SULF2: variants seen among roughly 807,000 people sequenced by gnomAD.
The protein encoded by SULF2 is extracellular sulfatase Sulf-2.
SULF2 carries 52 observed loss-of-function variants against 107.7 expected under a neutral mutation model. That is an observed-to-expected ratio of 0.48 (90% confidence interval 0.39 to 0.61). The LOEUF (loss-of-function observed/expected upper bound fraction) is 0.61. SULF2 is among the 20% of genes least tolerant of loss of function. The probability of loss-of-function intolerance (pLI) is 0.00; values close to 1 mark genes in which losing one functional copy is unlikely to be tolerated. For synonymous variants in SULF2, 460 were observed against 464.3 expected (o/e 0.99, Z 0.12); for missense variants, 993 against 1,177.3 (o/e 0.84, Z 2.29).
At position 47,672,235 on chromosome 20, in the gene SULF2, G is replaced by T. The variant is rs377149114; in HGVS notation, c.1539C>A (p.Leu513=). ...GTTTTTTCCGGCGTCCGGCCAGGCT[G>T]AGCTTGTAGTCCCCGCTGTCACAGG... ...ACTCDSGDYK[L]SLAGRRKKLF... Residue 513 remains leucine (L), a synonymous_variant, in exon 11 of 21, where the codon CTC becomes CTA. Transcript: ENST00000688720. 6.2e-7 allele frequency: 1 copy of T among 1,612,244 alleles called. No individual in the cohort carries two copies. The highest frequency in any genetic ancestry group is 8.5e-7 in the Non-Finnish European group (1 of 1,178,666).
chr20:47,663,705 G>A, intron 15 of SULF2, 83 bp from the exon 16 acceptor site: 2 of 1,450,880 alleles, frequency 1.4e-6, no homozygotes, highest in South Asian at 2.7e-5. Context: ...TCCACCTAAG[G>A]GCTTCGCTGA....
intron 11 of SULF2, among the ~76,000 whole-genome samples, chr20:47,671,057 G>C (rs1568791401): frequency 6.6e-6 from 1 of 152,138 alleles, no homozygotes; most frequent in Non-Finnish European, 1.5e-5. Flanking sequence ...AGTCATGCAG[G>C]GACCATTCTT....
intron 1 of SULF2, among the ~76,000 whole-genome samples, chr20:47,761,237 A>T (rs1046122304): frequency 6.6e-6 from 1 of 152,212 alleles, no homozygotes; most frequent in Non-Finnish European, 1.5e-5. Context: ...CTGAGGTTTC[A>T]TTACTGTCCT....
At chr20:47,757,159 G>A (rs1042499152) in intron 2 of SULF2, 30 bp downstream of exon 2, 26 of 1,529,962 alleles carry the variant, frequency 1.7e-5, no homozygotes, top group African/African-American at 9.6e-5. Flanking sequence ...CCGAGGGGCC[G>A]AGGTGCCACC....
At position 47,672,350 on chromosome 20, in the gene SULF2, T is replaced by C. The variant is rs368203432; in HGVS notation, c.1424A>G (p.His475Arg). The C allele has an allele frequency of 9.9e-6, 16 of 1,612,946 alleles. No homozygotes were observed. The highest frequency in any genetic ancestry group is 1.6e-4 in the Middle Eastern group (1 of 6,074). Residue 475 changes from histidine (H) to arginine (R), a missense_variant, in exon 11 of 21, where the codon CAT becomes CGT. His to Arg is a conservative substitution (Grantham distance 29). This residue lies in a region of SULF2 where 497 missense variants were observed against 544.1 expected (regional missense o/e 0.91). Transcript: ENST00000688720. Reference protein sequence around the residue: ...VEDATGKLKLHKCKGPMRLGG... With the variant: ...VEDATGKLKLRKCKGPMRLGG... The stretch of plus-strand genomic sequence containing the variant: ...CAGCCGCATGGGGCCCTTGCACTTA[T>C]GCAGCTTCAGCTTCCCCGTGGCGTC...
intron 3 of SULF2, among the ~76,000 whole-genome samples, chr20:47,705,015 C>T (rs946346244): frequency 6.6e-6 from 1 of 152,198 alleles, no homozygotes; most frequent in African/African-American, 2.4e-5. Flanking sequence ...TCCTGGTGAC[C>T]TGGCAGATGG....
At chr20:47,675,783 G>A (rs1568798900) in intron 10 of SULF2, among the ~76,000 whole-genome samples, 1 of 142,494 alleles carries the variant, frequency 7.0e-6, no homozygotes, top group Non-Finnish European at 1.5e-5. Flanking sequence ...GCCTGCCCTG[G>A]CTTTCCAGCC....
chr20:47,700,746 C>T (rs750366843), intron 4 of SULF2, among the ~76,000 whole-genome samples: 46 of 151,092 alleles, frequency 3.0e-4, no homozygotes, highest in Non-Finnish European at 5.9e-4. Flanking sequence ...CCCGGGTTCA[C>T]ACCATTCTCC....
intron 1 of SULF2, among the ~76,000 whole-genome samples, chr20:47,771,710 C>G (rs7271548): frequency 6.8e-5 from 10 of 146,122 alleles, no homozygotes; most frequent in South Asian, 2.2e-4. Flanking sequence ...CAGGATGGGG[C>G]GGGGGCGGGG....
chr20:47,672,412 C>A lies in SULF2; in HGVS notation c.1381-19G>T. The stretch of plus-strand genomic sequence containing the variant: ...GCCACTTCTGAAAGACATGCCAGGG[C>A]CTCGGCCAGCTGCTCATCTGCTCCC... On this transcript the variant is annotated intron_variant, in intron 10 of 20. Coordinates refer to ENST00000688720, the MANE Select transcript of SULF2 (RefSeq NM_001387048.1). 6.4e-7 allele frequency: 1 copy of A among 1,565,980 alleles called. No individual in the cohort carries two copies.
At chr20:47,695,082 T>TA (rs1349604342) in intron 4 of SULF2, among the ~76,000 whole-genome samples, 1 of 152,202 alleles carries the variant, frequency 6.6e-6, no homozygotes, top group Admixed American at 6.5e-5. Context: ...ACCGTTCCTG[T>TA]AAAGGGCCAG....
At position 47,678,536 on chromosome 20, in the gene SULF2, A is replaced by G; in HGVS notation, c.1193+140T>C. On this transcript the variant is annotated intron_variant, in intron 8 of 20. Coordinates refer to ENST00000688720, the MANE Select transcript of SULF2 (RefSeq NM_001387048.1). The surrounding 1 kb of genome is among the most constrained non-coding windows in gnomAD (Gnocchi z 4.5). ...ACCATGCTTCTCTCCCACAGCAGGT[A>G]AGTGGTTGGCATGGCGGGACCTGAG... The G allele has an allele frequency of 1.9e-6, 2 of 1,032,246 alleles. No individual in the cohort carries two copies. Among genetic ancestry groups the G allele is most frequent in the Non-Finnish European group, 2.8e-6 (2 of 703,824 alleles). The allele number at this position is 1,032,246 out of a possible 1,614,324, so 63.9% of individuals were successfully genotyped here. A position where few individuals can be genotyped will look rare whatever the true frequency, so the allele number is the denominator to read the frequency against.
At chr20:47,756,750 A>T (rs2090296561) in intron 2 of SULF2, among the ~76,000 whole-genome samples, 1 of 149,802 alleles carries the variant, frequency 6.7e-6, no homozygotes, top group African/African-American at 2.5e-5. Context: ...GATTCAAGTG[A>T]TTCTTGTGCC....
intron 2 of SULF2, among the ~76,000 whole-genome samples, chr20:47,743,643 C>A (rs990470657): frequency 6.6e-6 from 1 of 152,210 alleles, no homozygotes; most frequent in African/African-American, 2.4e-5. Flanking sequence ...TCAGTGAAAT[C>A]ATCATATTCG....
intron 2 of SULF2, among the ~76,000 whole-genome samples, chr20:47,746,204 C>A (rs145245893): frequency 6.6e-6 from 1 of 152,212 alleles, no homozygotes; most frequent in Non-Finnish European, 1.5e-5. Flanking sequence ...GTGAAGGGAG[C>A]AGCTAAATAA....
chr20:47,683,001 C>A lies in SULF2; in HGVS notation c.1057G>T (p.Gly353Cys). Reference protein sequence around the residue: ...FYVRGPNVEAGCLNPHIVLNI... With the variant: ...FYVRGPNVEACCLNPHIVLNI... Reference sequence around the variant, plus strand: ...GGGGGATGACACACTTACAGACAGCCGGCTTCCACGTTGGGGCCCCTCACG... The same window carrying A: ...GGGGGATGACACACTTACAGACAGCAGGCTTCCACGTTGGGGCCCCTCACG... Residue 353 changes from glycine (G) to cysteine (C), a missense_variant, in exon 7 of 21, where the codon GGC becomes TGC. Physicochemically the swap from Gly to Cys is radical, Grantham distance 159. Around this residue, in one of 3 missense-constraint regions of SULF2, gnomAD observed 108 missense variants for 183.9 expected, o/e 0.59. Transcript: ENST00000688720. 1 of 1,606,292 alleles carries A rather than the reference C, an allele frequency of 6.2e-7. No homozygotes were observed. Among genetic ancestry groups the A allele is most frequent in the Non-Finnish European group, 8.5e-7 (1 of 1,175,178 alleles).
intron 2 of SULF2, among the ~76,000 whole-genome samples, chr20:47,742,273 T>C (rs1209173639): frequency 6.6e-5 from 10 of 152,234 alleles, no homozygotes; most frequent in Non-Finnish European, 1.3e-4. Flanking sequence ...GGGAAGGACC[T>C]GAACGACACG....
intron 10 of SULF2, among the ~76,000 whole-genome samples, chr20:47,674,913 C>T (rs1423768427): frequency 2.6e-5 from 4 of 152,164 alleles, no homozygotes. Context: ...CCTGAGGTCC[C>T]CAAAGCTCCG....
chr20:47,781,012 T>C (rs1475137979), intron 1 of SULF2, among the ~76,000 whole-genome samples: 1 of 152,240 alleles, frequency 6.6e-6, no homozygotes, highest in Non-Finnish European at 1.5e-5. Context: ...CCCTAGAAGT[T>C]TGATTCAACA....
Sources: gnomAD v4.1 joint callset for allele counts (sites outside exome capture counted in the v4.1 genomes callset) on GRCh38, gnomAD v4.1.1 for gene constraint, gnomAD v4.1.1 regional missense constraint, Gnocchi (gnomAD v3.1) non-coding constraint, MANE v1.5 for transcripts, NCBI Gene and HGNC (gene_info 2026-07-23, HGNC 2026-07-21) for gene names.